Variants in SIPA1L1 observed in about 807,000 individuals in gnomAD.
The protein encoded by SIPA1L1 is signal-induced proliferation-associated 1-like protein 1.
A neutral mutation model predicts 162.7 loss-of-function variants in SIPA1L1; 26 were observed. The observed-to-expected ratio is 0.16, with a 90% CI of 0.12 to 0.22. The LOEUF (loss-of-function observed/expected upper bound fraction) is 0.22, where lower values mean the gene tolerates loss of function less well. Ranked by LOEUF, SIPA1L1 falls within the 10% of genes least tolerant of loss-of-function variation. The probability of loss-of-function intolerance (pLI) is 1.00; values close to 1 mark genes in which losing one functional copy is unlikely to be tolerated. For synonymous variants in SIPA1L1, 829 were observed against 837.4 expected, an observed-to-expected ratio of 0.99 and a Z score of 0.17; for missense variants, 1,874 against 2,241.0, an observed-to-expected ratio of 0.84 and a Z score of 3.31.
At chr14:71,401,825 TAA>T (rs1393979064) in intron 2 of SIPA1L1, among the ~76,000 whole-genome samples, 1 of 152,108 alleles carries the variant, frequency 6.6e-6, no homozygotes. Flanking sequence ...CTCATAAATA[TAA>T]GATTTTTTAT....
chr14:71,729,490 A>T (rs1215866642), intron 19 of SIPA1L1, among the ~76,000 whole-genome samples: 1 of 152,216 alleles, frequency 6.6e-6, no homozygotes, highest in Non-Finnish European at 1.5e-5. Flanking sequence ...TTTGATGATC[A>T]AATACCCTTG....
At chr14:71,615,230 T>G (rs1309854503) in intron 5 of SIPA1L1, among the ~76,000 whole-genome samples, 2 of 152,184 alleles carry the variant, frequency 1.3e-5, no homozygotes, top group Non-Finnish European at 2.9e-5. Flanking sequence ...TTTGAGCACC[T>G]GAAAGAGAAG....
At chr14:71,511,121 G>T (rs183546698) in intron 2 of SIPA1L1, among the ~76,000 whole-genome samples, 2 of 152,232 alleles carry the variant, frequency 1.3e-5, no homozygotes, top group African/African-American at 2.4e-5. Context: ...CTTTTTCCTT[G>T]TATGACTTCA....
At chr14:71,677,667 G>T (rs2045347506) in intron 12 of SIPA1L1, among the ~76,000 whole-genome samples, 1 of 152,172 alleles carries the variant, frequency 6.6e-6, no homozygotes. Context: ...GTAAGGAAGG[G>T]ATCCAGTTTC....
At chr14:71,457,871 A>ACAGGG (rs1471574077) in intron 2 of SIPA1L1, among the ~76,000 whole-genome samples, 2 of 152,108 alleles carry the variant, frequency 1.3e-5, no homozygotes, top group African/African-American at 4.8e-5. Flanking sequence ...TGCTGGGATT[A>ACAGGG]CAGGTGTGAG....
chr14:71,650,191 A>G, intron 7 of SIPA1L1, 144 bp from the exon 8 acceptor site: 1 of 840,670 alleles, frequency 1.2e-6, no homozygotes, highest in Admixed American at 2.0e-5. Context: ...ATTTTGGATC[A>G]AAGACGGAAA....
intron 10 of SIPA1L1, among the ~76,000 whole-genome samples, chr14:71,665,811 G>A (rs377002365): frequency 9.2e-5 from 14 of 152,012 alleles, no homozygotes; most frequent in African/African-American, 2.2e-4. Context: ...ATATGATAAC[G>A]TTTAATTTCT....
intron 20 of SIPA1L1, among the ~76,000 whole-genome samples, chr14:71,730,825 C>T (rs1339505079): frequency 6.6e-6 from 1 of 152,204 alleles, no homozygotes; most frequent in African/African-American, 2.4e-5. Flanking sequence ...TGATGGGTAC[C>T]TCCATGTTCT....
chr14:71,459,023 G>A (rs1308117470), intron 2 of SIPA1L1, among the ~76,000 whole-genome samples: 1 of 150,896 alleles, frequency 6.6e-6, no homozygotes, highest in Non-Finnish European at 1.5e-5. Flanking sequence ...AGTGAGCCAA[G>A]ATCATGTCAC....
intron 2 of SIPA1L1, among the ~76,000 whole-genome samples, chr14:71,483,136 T>G (rs1381612927): frequency 6.6e-6 from 1 of 152,220 alleles, no homozygotes; most frequent in Non-Finnish European, 1.5e-5. Context: ...TTAAAAGTGG[T>G]CAGAATTTGA....
chr14:71,516,985 A>C (rs1250274421), intron 3 of SIPA1L1, among the ~76,000 whole-genome samples: 1 of 152,172 alleles, frequency 6.6e-6, no homozygotes. Context: ...ACAAACAAAC[A>C]AAACAAAAAC....
chr14:71,553,311 G>A (rs2056045432), intron 4 of SIPA1L1, among the ~76,000 whole-genome samples: 1 of 152,250 alleles, frequency 6.6e-6, no homozygotes, highest in Admixed American at 6.5e-5. Context: ...TACACTTTGT[G>A]TTAGGAACCC....
rs2082358469 is a variant in SIPA1L1 at position 71,705,306 on chromosome 14, C to T, written c.3731C>T (p.Pro1244Leu). The T allele has an allele frequency of 6.2e-7, 1 of 1,613,974 alleles. No homozygotes were observed. The highest frequency in any genetic ancestry group is 8.5e-7 in the Non-Finnish European group (1 of 1,179,962). Residue 1244 changes from proline to leucine, a missense_variant, in exon 16 of 24, where the codon CCA (proline) becomes CTA (leucine). Physicochemically the swap from Pro to Leu is moderately conservative, Grantham distance 98 (BLOSUM62 -3). Transcript: ENST00000381232. The part of the protein sequence containing the change: ...SPSGRLMRQD[P>L]VVHLSPNKQG... ...AGTGGGAGATTAATGCGGCAGGATC[C>T]AGTGGTTCATTTGTCTCCAAACAAA...
Position 71,588,829 on chromosome 14 carries a change from A to G in SIPA1L1, c.957A>G (p.Glu319=). 6.2e-7 allele frequency: 1 copy of G among 1,614,130 alleles called. No individual in the cohort carries two copies. Residue 319 remains glutamate, a synonymous_variant, in exon 5 of 24, where the codon GAA becomes GAG. Transcript: ENST00000381232. This position sits in a 1 kb window ranked among gnomAD's most constrained non-coding sequence, Gnocchi z 4.3. ...KSSDLEDNRS[E]DSVRPWTCPK... The stretch of plus-strand genomic sequence containing the variant: ...CAGATCTTGAAGATAACCGATCAGA[A>G]GACTCTGTCAGGCCCTGGACATGTC...
intron 4 of SIPA1L1, among the ~76,000 whole-genome samples, chr14:71,579,709 A>G (rs1471609866): frequency 6.6e-6 from 1 of 152,234 alleles, no homozygotes; most frequent in Non-Finnish European, 1.5e-5. Flanking sequence ...TGTTGATATC[A>G]ATCATGATTA....
At chr14:71,538,427 C>T (rs2054092667) in intron 4 of SIPA1L1, among the ~76,000 whole-genome samples, 1 of 152,180 alleles carries the variant, frequency 6.6e-6, no homozygotes, top group Non-Finnish European at 1.5e-5. Flanking sequence ...CCACCTGGTA[C>T]ACAGGGACAT....
At chr14:71,608,847 G>A (rs573765783) in intron 5 of SIPA1L1, among the ~76,000 whole-genome samples, 5 of 152,062 alleles carry the variant, frequency 3.3e-5, no homozygotes, top group Non-Finnish European at 7.4e-5. Flanking sequence ...GTGAGCCATC[G>A]TGCCACTGCA....
At chr14:71,704,619 C>T in intron 15 of SIPA1L1, 1 of 772,988 alleles carries the variant, frequency 1.3e-6, no homozygotes, top group South Asian at 1.5e-5. Context: ...AATTCTTTAT[C>T]TCTCACTTTT....
intron 3 of SIPA1L1, among the ~76,000 whole-genome samples, chr14:71,513,747 C>G (rs1363614858): frequency 6.6e-6 from 1 of 152,042 alleles, no homozygotes; most frequent in Non-Finnish European, 1.5e-5. Flanking sequence ...CCTAGGCTTC[C>G]CAAAGGACAG....
Sources: gnomAD v4.1 joint callset for allele counts (sites outside exome capture counted in the v4.1 genomes callset) on GRCh38, gnomAD v4.1.1 for gene constraint, Gnocchi (gnomAD v3.1) non-coding constraint, MANE v1.5 for transcripts, NCBI Gene and HGNC (gene_info 2026-07-23, HGNC 2026-07-21) for gene names.